The following ARHGEF38 variants were observed in gnomAD, a reference collection of about 807,000 sequenced individuals.
ARHGEF38 encodes the protein Rho guanine nucleotide exchange factor (GEF) 38.
In ARHGEF38, 79 loss-of-function variants were observed where a neutral mutation model predicts 79.9. The observed-to-expected ratio is 0.99, with a 90% CI of 0.82 to 1.19. The LOEUF (loss-of-function observed/expected upper bound fraction) is 1.19. ARHGEF38 is among the 50% of genes most tolerant of loss of function. The probability of loss-of-function intolerance (pLI) is 0.00; values close to 1 mark genes in which losing one functional copy is unlikely to be tolerated. For missense variants in ARHGEF38, 962 were observed against 907.2 expected (o/e 1.06, Z -0.78); for synonymous variants, 366 against 328.3 (o/e 1.11, Z -1.24).
chr4:105,596,787 G>A (rs997300777), intron 2 of ARHGEF38, among the ~76,000 whole-genome samples: 2 of 152,300 alleles, frequency 1.3e-5, no homozygotes, highest in Admixed American at 1.3e-4. Context: ...CTCTTCCGAT[G>A]TTTTTAGCTG....
chr4:105,674,273 C>A (rs1204960607), intron 13 of ARHGEF38, among the ~76,000 whole-genome samples: 2 of 151,878 alleles, frequency 1.3e-5, no homozygotes, highest in Non-Finnish European at 2.9e-5. Context: ...AATACTGCAC[C>A]TAAAATGAGT....
At chr4:105,590,874 C>T (rs1727301863) in intron 2 of ARHGEF38, among the ~76,000 whole-genome samples, 1 of 151,860 alleles carries the variant, frequency 6.6e-6, no homozygotes, top group Non-Finnish European at 1.5e-5. Context: ...CTCATATATT[C>T]ATTGGCCTTT....
chr4:105,660,691 C>T (rs1033172458), intron 10 of ARHGEF38, among the ~76,000 whole-genome samples: 3 of 152,132 alleles, frequency 2.0e-5, no homozygotes, highest in African/African-American at 4.8e-5. Flanking sequence ...CCACTCGCCT[C>T]GGCCTTCCAA....
intron 10 of ARHGEF38, among the ~76,000 whole-genome samples, chr4:105,663,728 G>A (rs1008643789): frequency 2.0e-5 from 3 of 152,218 alleles, no homozygotes; most frequent in African/African-American, 4.8e-5. Context: ...CCAGCACTTT[G>A]GGAGGCTGAG....
At chr4:105,580,544 A>G (rs169191) in intron 1 of ARHGEF38, among the ~76,000 whole-genome samples, 131,075 of 152,142 alleles carry the variant, frequency 0.86, 56,529 homozygotes, top group South Asian at 0.93. Flanking sequence ...TTTCTTGGTC[A>G]TTAATTCTAA....
At chr4:105,574,456 A>G (rs2110428371) in intron 1 of ARHGEF38, among the ~76,000 whole-genome samples, 1 of 151,898 alleles carries the variant, frequency 6.6e-6, no homozygotes, top group South Asian at 2.1e-4. Flanking sequence ...AGGCTGAGGC[A>G]GGAAAATCGC....
At chr4:105,618,279 C>A (rs1177999138) in intron 3 of ARHGEF38, among the ~76,000 whole-genome samples, 1 of 152,082 alleles carries the variant, frequency 6.6e-6, no homozygotes, top group African/African-American at 2.4e-5. Flanking sequence ...TCAATGAGTT[C>A]TTGCTGATAT....
chr4:105,638,220 G>GT lies in ARHGEF38; in HGVS notation c.674+1800_674+1801insT, dbSNP rs746796495. ...GCAATCAAAAATTATCCGTTTTTTA[G>GT]GTTTTTTTTACAACCTACCTTCTTA... On this transcript the variant is annotated intron_variant, in intron 5 of 13. Coordinates refer to ENST00000420470, the MANE Select transcript of ARHGEF38 (RefSeq NM_001242729.2). Among the ~76,000 whole-genome samples, 155 of 151,882 alleles carry GT rather than the reference G, an allele frequency of 1.0e-3. 1 individual carries two copies. Among genetic ancestry groups the GT allele is most frequent in the Middle Eastern group, 6.8e-3 (2 of 294 alleles).
intron 7 of ARHGEF38, among the ~76,000 whole-genome samples, chr4:105,653,453 T>C (rs1410172773): frequency 1.3e-5 from 2 of 151,844 alleles, no homozygotes; most frequent in Non-Finnish European, 2.9e-5. Context: ...CTCCTGAGTA[T>C]CTGGGACTAC....
At chr4:105,584,833 T>C (rs1039293798) in intron 1 of ARHGEF38, among the ~76,000 whole-genome samples, 1 of 152,202 alleles carries the variant, frequency 6.6e-6, no homozygotes. Flanking sequence ...GGATAAATTC[T>C]AAGCAAAACG....
intron 1 of ARHGEF38, among the ~76,000 whole-genome samples, chr4:105,563,789 G>A (rs1289372807): frequency 6.6e-6 from 1 of 152,140 alleles, no homozygotes; most frequent in Admixed American, 6.6e-5. Flanking sequence ...ACATTCATCG[G>A]CAATCTTGAA....
intron 2 of ARHGEF38, among the ~76,000 whole-genome samples, chr4:105,598,693 A>G (rs960023058): frequency 6.6e-6 from 1 of 151,902 alleles, no homozygotes; most frequent in African/African-American, 2.4e-5. Flanking sequence ...TTAATCAAAG[A>G]CTTGATTTTC....
chr4:105,573,287 C>A (rs369803959), intron 1 of ARHGEF38, among the ~76,000 whole-genome samples: 1 of 152,072 alleles, frequency 6.6e-6, no homozygotes, highest in African/African-American at 2.4e-5. Flanking sequence ...AAAGCCTGAG[C>A]CTTTGTCATA....
intron 1 of ARHGEF38, among the ~76,000 whole-genome samples, chr4:105,567,638 C>T (rs889574316): frequency 6.6e-6 from 1 of 151,978 alleles, no homozygotes; most frequent in African/African-American, 2.4e-5. Flanking sequence ...ACTTCAATAC[C>T]CTGTCTTTAC....
intron 1 of ARHGEF38, among the ~76,000 whole-genome samples, chr4:105,560,303 A>G (rs1230905325): frequency 1.3e-5 from 2 of 152,336 alleles, no homozygotes; most frequent in East Asian, 3.9e-4. Flanking sequence ...GTAATAGCTT[A>G]ATGATCTCCA....
intron 1 of ARHGEF38, among the ~76,000 whole-genome samples, chr4:105,568,897 G>A (rs903355446): frequency 1.3e-5 from 2 of 152,132 alleles, no homozygotes; most frequent in Non-Finnish European, 2.9e-5. Context: ...TAGGGTGAGG[G>A]CAAGTGCTGT....
At chr4:105,619,267 C>T (rs1728639734) in intron 3 of ARHGEF38, among the ~76,000 whole-genome samples, 1 of 151,540 alleles carries the variant, frequency 6.6e-6, no homozygotes, top group African/African-American at 2.4e-5. Context: ...CTGCCTTCTG[C>T]TTGTGAGGGG....
chr4:105,605,191 G>A (rs1409556777), intron 2 of ARHGEF38, among the ~76,000 whole-genome samples: 2 of 152,080 alleles, frequency 1.3e-5, no homozygotes, highest in Admixed American at 1.3e-4. Context: ...GAGACCTTTA[G>A]TCAACTATTT....
At chr4:105,665,371 G>T (rs537014764) in intron 10 of ARHGEF38, among the ~76,000 whole-genome samples, 1 of 151,844 alleles carries the variant, frequency 6.6e-6, no homozygotes, top group Non-Finnish European at 1.5e-5. Context: ...GTGATGCGTG[G>T]CTATAATCCC....
Sources: allele counts gnomAD v4.1 joint callset (sites outside exome capture counted in the v4.1 genomes callset), GRCh38; gene constraint gnomAD v4.1.1; transcripts MANE v1.5; gene names NCBI Gene and HGNC (gene_info 2026-07-23, HGNC 2026-07-21).